Variants in LRP1B observed in about 807,000 individuals in gnomAD.
The protein encoded by LRP1B is LDL receptor related protein 1B.
Under a neutral mutation model 556.6 loss-of-function variants are expected in LRP1B, and 217 were observed. The observed-to-expected ratio is 0.39, with a 90% CI of 0.35 to 0.44. LRP1B has a LOEUF of 0.44. Ranked by LOEUF, LRP1B falls within the 20% of genes least tolerant of loss-of-function variation. LRP1B has a pLI of 1.00. For missense variants in LRP1B, 5,053 were observed against 5,620.8 expected (o/e 0.90, Z 3.23); for synonymous variants, 2,047 against 1,865.8 (o/e 1.10, Z -2.50).
chr2:141,867,144 T>C (rs1174424892), intron 1 of LRP1B, among the ~76,000 whole-genome samples: 4 of 152,066 alleles, frequency 2.6e-5, no homozygotes, highest in African/African-American at 7.2e-5. Flanking sequence ...TTAGAAGAGA[T>C]AAAATCGAAT....
chr2:141,896,907 T>C (rs1699471013), intron 1 of LRP1B, among the ~76,000 whole-genome samples: 2 of 152,150 alleles, frequency 1.3e-5, no homozygotes, highest in East Asian at 1.9e-4. Context: ...TGATGGACCC[T>C]GTCTCTTGAT....
chr2:140,913,428 G>A (rs1022164072), intron 21 of LRP1B, among the ~76,000 whole-genome samples: 1 of 151,898 alleles, frequency 6.6e-6, no homozygotes, highest in Non-Finnish European at 1.5e-5. Flanking sequence ...TGAGAAACAA[G>A]CTTTACCAAA....
chr2:140,514,658 A>G lies in LRP1B; in HGVS notation c.8264T>C (p.Ile2755Thr), dbSNP rs1404373878. 1 of 1,609,406 alleles carries G rather than the reference A, an allele frequency of 6.2e-7. No homozygotes were observed. The change falls in exon 51 of 91, where the codon ATT (isoleucine) becomes ACT (threonine). Residue 2755 changes from isoleucine (I) to threonine (T), a missense_variant. Physicochemically the swap from Ile to Thr is moderately conservative, Grantham distance 89 (BLOSUM62 -1). This residue lies in a region of LRP1B where 3,619 missense variants were observed against 3,931.9 expected (regional missense o/e 0.92). Transcript: ENST00000389484. ...ACAGAAGATACACAACTTACCACAA[A>G]TGCTGTCACTTTCATCTAACCCATC... ...CGDGLDESDS[I>T]CGAITCAADM...
intron 1 of LRP1B, among the ~76,000 whole-genome samples, chr2:142,110,419 T>C (rs1706932114): frequency 6.6e-6 from 1 of 152,102 alleles, no homozygotes; most frequent in African/African-American, 2.4e-5. Flanking sequence ...TCTTGATATT[T>C]TCAGATTCAA....
chr2:141,370,369 G>A (rs1407257568), intron 3 of LRP1B, among the ~76,000 whole-genome samples: 1 of 152,064 alleles, frequency 6.6e-6, no homozygotes, highest in African/African-American at 2.4e-5. Flanking sequence ...ATATCTCATT[G>A]TGGTTTTAGT....
intron 18 of LRP1B, among the ~76,000 whole-genome samples, chr2:140,981,756 T>C (rs113548496): frequency 0.033 from 5,025 of 152,198 alleles, 102 homozygotes; most frequent in East Asian, 0.049. Context: ...TCCCAGAAGA[T>C]AACATATACA....
In LRP1B at chr2:140,410,196, GTCTCCT is replaced by G. The variant is rs1221987471; in HGVS notation, c.10415-24193_10415-24188del. Among the ~76,000 whole-genome samples, 39 of 151,860 alleles carry G rather than the reference GTCTCCT, an allele frequency of 2.6e-4. 3 individuals carry two copies. The highest frequency in any genetic ancestry group is 7.7e-4 in the African/African-American group (32 of 41,394). Reference sequence around the variant, plus strand: ...TTTGAAAAAAAATTATAGAATGTTAGTCTCCTTCTCCTTCTCTCTTTTTTTAATCAA... The same window carrying G: ...TTTGAAAAAAAATTATAGAATGTTAGTCTCCTTCTCTCTTTTTTTAATCAA... On this transcript the variant is annotated intron_variant, in intron 66 of 90. Coordinates refer to ENST00000389484, the MANE Select transcript of LRP1B (RefSeq NM_018557.3).
chr2:141,942,215 G>A (rs1297015191), intron 1 of LRP1B, among the ~76,000 whole-genome samples: 1 of 151,976 alleles, frequency 6.6e-6, no homozygotes, highest in East Asian at 1.9e-4. Context: ...CCCTCGCCCC[G>A]CCCTCCACCA....
chr2:141,553,806 G>T (rs918422937), intron 2 of LRP1B, among the ~76,000 whole-genome samples: 2 of 132,022 alleles, frequency 1.5e-5, no homozygotes, highest in Non-Finnish European at 1.6e-5. Flanking sequence ...ATATATTATA[G>T]ATCTATATTA....
At chr2:141,739,962 T>C (rs1236460547) in intron 2 of LRP1B, among the ~76,000 whole-genome samples, 2 of 152,054 alleles carry the variant, frequency 1.3e-5, no homozygotes, top group Non-Finnish European at 2.9e-5. Flanking sequence ...CATGATGAGA[T>C]AACTTTTAAA....
intron 60 of LRP1B, among the ~76,000 whole-genome samples, chr2:140,458,378 T>C (rs1308305494): frequency 6.6e-6 from 1 of 152,196 alleles, no homozygotes; most frequent in Non-Finnish European, 1.5e-5. Context: ...CAAATGTGAA[T>C]TACTCATTTG....
intron 66 of LRP1B, among the ~76,000 whole-genome samples, chr2:140,439,812 C>T (rs924518122): frequency 2.0e-5 from 3 of 151,754 alleles, no homozygotes; most frequent in African/African-American, 4.8e-5. Flanking sequence ...TGTGAGTACT[C>T]GTAGACCCAA....
intron 35 of LRP1B, among the ~76,000 whole-genome samples, chr2:140,719,114 C>A (rs1011667761): frequency 6.6e-6 from 1 of 151,972 alleles, no homozygotes; most frequent in Non-Finnish European, 1.5e-5. Context: ...GACTTTATTT[C>A]ATTTGCTGTT....
chr2:140,702,109 G>A, intron 39 of LRP1B, 32 bp downstream of exon 39: 1 of 1,603,642 alleles, frequency 6.2e-7, no homozygotes. Flanking sequence ...ATAACATTTT[G>A]AGACTCAAAT....
intron 2 of LRP1B, among the ~76,000 whole-genome samples, chr2:141,667,157 G>T (rs557781652): frequency 7.2e-5 from 11 of 151,950 alleles, no homozygotes; most frequent in African/African-American, 2.2e-4. Context: ...ATGAGCTACC[G>T]TACTGTACTT....
chr2:141,361,293 A>G (rs545591677), intron 3 of LRP1B, among the ~76,000 whole-genome samples: 9 of 152,290 alleles, frequency 5.9e-5, no homozygotes, highest in African/African-American at 2.2e-4. Flanking sequence ...TTCACATTTA[A>G]AAACAATTTT....
intron 2 of LRP1B, among the ~76,000 whole-genome samples, chr2:141,796,315 A>G: frequency 6.6e-6 from 1 of 152,066 alleles, no homozygotes; most frequent in East Asian, 1.9e-4. Context: ...CATACCTTCA[A>G]GAATCCACTT....
chr2:141,975,800 C>T (rs1460800618), intron 1 of LRP1B, among the ~76,000 whole-genome samples: 1 of 152,086 alleles, frequency 6.6e-6, no homozygotes, highest in Non-Finnish European at 1.5e-5. Context: ...ATCTCTGAAG[C>T]ATTCAACTGC....
chr2:141,327,858 G>A (rs1054802669), intron 3 of LRP1B, among the ~76,000 whole-genome samples: 1 of 143,844 alleles, frequency 7.0e-6, no homozygotes, highest in Non-Finnish European at 1.5e-5. Flanking sequence ...CAGATGGGTA[G>A]GTAGATAGAT....
Sources: gnomAD v4.1 joint callset for allele counts (sites outside exome capture counted in the v4.1 genomes callset) on GRCh38, gnomAD v4.1.1 for gene constraint, gnomAD v4.1.1 regional missense constraint, MANE v1.5 for transcripts, NCBI Gene and HGNC (gene_info 2026-07-23, HGNC 2026-07-21) for gene names.